The following TTN variants were observed in gnomAD, a reference collection of about 807,000 sequenced individuals.
TTN encodes titin.
TTN carries 1,525 observed loss-of-function variants against 3,223.0 expected under a neutral mutation model. The observed-to-expected ratio is 0.47, with a 90% CI of 0.45 to 0.49. The LOEUF (loss-of-function observed/expected upper bound fraction) is 0.49, where lower values mean the gene tolerates loss of function less well. TTN is among the 20% of genes least tolerant of loss of function. The probability of loss-of-function intolerance (pLI) is 0.00; values close to 1 mark genes in which losing one functional copy is unlikely to be tolerated. For missense variants in TTN, 40,786 were observed against 43,424.0 expected, an observed-to-expected ratio of 0.94 and a Z score of 5.40; for synonymous variants, 14,094 against 15,161.0, an observed-to-expected ratio of 0.93 and a Z score of 5.17.
chr2:178,779,266 G>A lies in TTN; in HGVS notation c.3926C>T (p.Thr1309Ile). The change falls in exon 23 of 363, where the codon ACT (threonine) becomes ATT (isoleucine). Residue 1309 changes from threonine (T) to isoleucine (I), a missense_variant. Thr to Ile is a moderately conservative substitution (Grantham distance 89, BLOSUM62 -1). Coordinates refer to ENST00000589042, the MANE Select transcript of TTN (RefSeq NM_001267550.2). The stretch of plus-strand genomic sequence containing the variant: ...ATATCCAGACATCTTGCAATGAAAA[G>A]TGACACCCATCCCCTCAAGAATTCT... ...NYRILEGMGVTFHCKMSGYPL... is the reference protein window; with the variant it reads ...NYRILEGMGVIFHCKMSGYPL... The A allele has an allele frequency of 1.2e-6, 2 of 1,613,820 alleles. No homozygotes were observed. Among genetic ancestry groups the A allele is most frequent in the Non-Finnish European group, 1.7e-6 (2 of 1,179,838 alleles).
In TTN at chr2:178,678,409, T is replaced by C. The variant is rs2068584056; in HGVS notation, c.33910+5A>G. On this transcript the variant is annotated splice_donor_5th_base_variant and intron_variant, in intron 144 of 362. Coordinates refer to ENST00000589042, the MANE Select transcript of TTN (RefSeq NM_001267550.2). ...CCAAGTACTCTAAGTGATGAAATTA[T>C]GTACCTTTTGCAGGTGGAGCCTCCA... is the stretch of plus-strand genomic sequence containing the variant. 6.3e-7 allele frequency: 1 copy of C among 1,581,048 alleles called. No individual in the cohort carries two copies. Among genetic ancestry groups the C allele is most frequent in the African/African-American group, 1.3e-5 (1 of 74,172 alleles).
chr2:178,724,179 G>T (rs1050989013), intron 72 of TTN, 36 bp from the exon 73 acceptor site: 1 of 1,587,230 alleles, frequency 6.3e-7, no homozygotes, highest in African/African-American at 1.4e-5. Context: ...ATCATGATTT[G>T]AAAGAATAGA....
intron 48 of TTN, among the ~76,000 whole-genome samples, 193 bp from the exon 49 acceptor site, chr2:178,738,553 TA>T (rs1553935217): frequency 2.0e-5 from 3 of 151,888 alleles, no homozygotes; most frequent in African/African-American, 7.3e-5. Context: ...AAGCTTTTTT[TA>T]AAAAAAACCT....
At chr2:178,581,159 G>C (rs1446948388) in intron 316 of TTN, among the ~76,000 whole-genome samples, 1 of 152,012 alleles carries the variant, frequency 6.6e-6, no homozygotes, top group Admixed American at 6.6e-5. Context: ...TTGGAAAACA[G>C]AAACCCTAAG....
In TTN at chr2:178,589,813, A is replaced by G. The variant is rs777982609; in HGVS notation, c.61912T>C (p.Tyr20638His). 6.2e-7 allele frequency: 1 copy of G among 1,613,546 alleles called. No individual in the cohort carries two copies. The highest frequency in any genetic ancestry group is 2.2e-5 in the East Asian group (1 of 44,804). The change falls in exon 304 of 363, where the codon TAC (tyrosine) becomes CAC (histidine). Residue 20638 changes from tyrosine to histidine, a missense_variant. Transcript: ENST00000589042. ...TTCTCTGCACAAACTCGGAAATAGT[A>G]TTCATTGTTGGCTAAAAGGTTGGCC... ...IKANLLANNEYYFRVCAENKV... is the reference protein window; with the variant it reads ...IKANLLANNEHYFRVCAENKV...
In TTN at chr2:178,575,261, A is replaced by G; in HGVS notation, c.70871T>C (p.Val23624Ala). The G allele has an allele frequency of 6.2e-7, 1 of 1,613,320 alleles. No individual in the cohort carries two copies. The highest frequency in any genetic ancestry group is 8.5e-7 in the Non-Finnish European group (1 of 1,179,588). Residue 23624 changes from valine (V) to alanine (A), a missense_variant, in exon 326 of 363, where the codon GTC (valine) becomes GCC (alanine). By Grantham distance (64) the Val-to-Ala change is moderately conservative. Transcript: ENST00000589042. This position sits in a 1 kb window ranked among gnomAD's most constrained non-coding sequence, Gnocchi z 4.0. ...CTCTGGAAGCATTGTCTGCTCCTTGACAATGACGGGTCTGCTTTCTCTAGG... is the reference window on the plus strand; with the variant it reads ...CTCTGGAAGCATTGTCTGCTCCTTGGCAATGACGGGTCTGCTTTCTCTAGG... ...SAPRESRPVI[V>A]KEQTMLPELD...
At chr2:178,615,910 C>T (rs903918677) in intron 257 of TTN, 122 bp from the exon 258 acceptor site, 24 of 1,113,604 alleles carry the variant, frequency 2.2e-5, no homozygotes, top group Non-Finnish European at 2.5e-5. Flanking sequence ...ATTATTCTTA[C>T]ATTAATTTCA....
chr2:178,741,415 A>G lies in TTN; in HGVS notation c.11818T>C (p.Phe3940Leu). ...EKLGGPCPPH[F>L]LKELKPIRCA... is the part of the protein sequence containing the mutation. ...CGAATTGGTTTTAACTCCTTAAGGAAGTGAGGAGGACAAGGACCTCCCAGC... is the reference window on the plus strand; with the variant it reads ...CGAATTGGTTTTAACTCCTTAAGGAGGTGAGGAGGACAAGGACCTCCCAGC... The change falls in exon 48 of 363, where the codon TTC becomes CTC. Residue 3940 changes from phenylalanine (F) to leucine (L), a missense_variant. Physicochemically the swap from Phe to Leu is conservative, Grantham distance 22 (BLOSUM62 0). Transcript: ENST00000589042. 1 of 1,613,912 alleles carries G rather than the reference A, an allele frequency of 6.2e-7. No individual in the cohort carries two copies. The highest frequency in any genetic ancestry group is 2.2e-5 in the East Asian group (1 of 44,872).
rs1288820688 is a variant in TTN, at chr2:178,555,027, C to T, written c.88432G>A (p.Asp29478Asn). 1 of 1,613,552 alleles carries T rather than the reference C, an allele frequency of 6.2e-7. No homozygotes were observed. The highest frequency in any genetic ancestry group is 1.7e-5 in the Admixed American group (1 of 59,980). Reference sequence around the variant, plus strand: ...AGTGCATTGGTTTGTAATTCTTTATCATCTTTATACCACTCAATAGTAGGC... The same window carrying T: ...AGTGCATTGGTTTGTAATTCTTTATTATCTTTATACCACTCAATAGTAGGC... Reference protein sequence around the residue: ...PAPTIEWYKDDKELQTNALVC... With the variant: ...PAPTIEWYKDNKELQTNALVC... The change falls in exon 331 of 363, where the codon GAT (aspartate) becomes AAT (asparagine). Residue 29478 changes from aspartate (D) to asparagine (N), a missense_variant. Asp to Asn is a conservative substitution (Grantham distance 23). Coordinates refer to ENST00000589042, the MANE Select transcript of TTN (RefSeq NM_001267550.2).
At chr2:178,745,706 C>T (rs780839195) in intron 47 of TTN, 1 of 1,611,604 alleles carries the variant, frequency 6.2e-7, no homozygotes, top group African/African-American at 1.3e-5. Flanking sequence ...GAACCCTGTG[C>T]CACTTTCCTC....
chr2:178,684,584 A>C (rs2070324284), intron 131 of TTN, 82 bp downstream of exon 131: 3 of 1,458,104 alleles, frequency 2.1e-6, no homozygotes, highest in Middle Eastern at 1.8e-4. Context: ...ACATATAAAC[A>C]GTATGACCCA....
chr2:178,626,423 T>C (rs182475365), intron 240 of TTN, among the ~76,000 whole-genome samples: 2 of 152,086 alleles, frequency 1.3e-5, no homozygotes, highest in African/African-American at 2.4e-5. Flanking sequence ...TTCTATGATA[T>C]AAAATTCCTA....
Position 178,546,754 on chromosome 2 carries a change from C to G in TTN, c.94674G>C (p.Lys31558Asn). Reference sequence around the variant, plus strand: ...TGTCAGATACAATGGTGTAGTTGCACTTCAGCCAGCGACCATCTCCTACCT... The same window carrying G: ...TGTCAGATACAATGGTGTAGTTGCAGTTCAGCCAGCGACCATCTCCTACCT... ...VSEVGDGRWL[K>N]CNYTIVSDNF... The change falls in exon 341 of 363, where the codon AAG becomes AAC. Residue 31558 changes from lysine (K) to asparagine (N), a missense_variant. Lys to Asn is a moderately conservative substitution (Grantham distance 94). Coordinates refer to ENST00000589042, the MANE Select transcript of TTN (RefSeq NM_001267550.2). 6.2e-7 allele frequency: 1 copy of G among 1,613,738 alleles called. No individual in the cohort carries two copies.
At chr2:178,542,164 C>T (rs1694897742) in intron 349 of TTN, 100 bp downstream of exon 349, 1 of 1,222,398 alleles carries the variant, frequency 8.2e-7, no homozygotes. Flanking sequence ...AATTTTGTGA[C>T]CTATTTTTAT....
rs140909116 is a variant in TTN, at chr2:178,748,464, T to C, written c.11311+4660A>G. The C allele has an allele frequency of 6.8e-3, 10,912 of 1,613,048 alleles. 79 individuals are homozygous for C. Among genetic ancestry groups the C allele is most frequent in the Middle Eastern group, 0.017 (102 of 6,058 alleles). On this transcript the variant is annotated intron_variant, in intron 47 of 362. Transcript: ENST00000589042. ...GTTTCAGGGCTAGGAATTTTTTCTT[T>C]ATAATGTATTTCCTGCTGTTCCCTA...
chr2:178,733,085 C>A lies in TTN; in HGVS notation c.16091G>T (p.Arg5364Leu). ...DIAPFFTKPL[R>L]NVDSVVNGTC... Reference sequence around the variant, plus strand: ...ACCATTAACAACACTATCCACGTTGCGCAAGGGTTTGGTAAAAAATGGAGC... The same window carrying A: ...ACCATTAACAACACTATCCACGTTGAGCAAGGGTTTGGTAAAAAATGGAGC... Residue 5364 changes from arginine (R) to leucine (L), a missense_variant, in exon 55 of 363, where the codon CGC (arginine) becomes CTC (leucine). By Grantham distance (102) the Arg-to-Leu change is moderately radical. Transcript: ENST00000589042. 1.2e-6 allele frequency: 2 copies of A among 1,603,194 alleles called. No homozygotes were observed. The highest frequency in any genetic ancestry group is 1.7e-6 in the Non-Finnish European group (2 of 1,173,436).
At chr2:178,741,986 A>C in intron 47 of TTN, 65 bp from the exon 48 acceptor site, 2 of 1,213,872 alleles carry the variant, frequency 1.6e-6, no homozygotes, top group Non-Finnish European at 2.1e-6. Flanking sequence ...ATAGAAATCA[A>C]AGAATTAGAC....
intron 112 of TTN, 86 bp downstream of exon 112, chr2:178,698,757 C>G: frequency 7.8e-7 from 1 of 1,284,622 alleles, no homozygotes; most frequent in African/African-American, 1.5e-5. Flanking sequence ...CAAACTCTTA[C>G]CCTTCCTTCA....
Position 178,577,793 on chromosome 2 carries a change from A to G in TTN, c.68633T>C (p.Val22878Ala). 1 of 1,612,266 alleles carries G rather than the reference A, an allele frequency of 6.2e-7. No homozygotes were observed. The highest frequency in any genetic ancestry group is 8.5e-7 in the Non-Finnish European group (1 of 1,179,208). Reference protein sequence around the residue: ...DGGHKLTGYIVEKRDLPSKSW... With the variant: ...DGGHKLTGYIAEKRDLPSKSW... ...CTTCGAAGGTAGATCTCGCTTCTCCACTATATATCCAGTTAACTTATGACC... is the reference window on the plus strand; with the variant it reads ...CTTCGAAGGTAGATCTCGCTTCTCCGCTATATATCCAGTTAACTTATGACC... The change falls in exon 323 of 363, where the codon GTG becomes GCG. Residue 22878 changes from valine (V) to alanine (A), a missense_variant. By Grantham distance (64) the Val-to-Ala change is moderately conservative. Transcript: ENST00000589042.
Sources: allele counts gnomAD v4.1 joint callset (sites outside exome capture counted in the v4.1 genomes callset), GRCh38; gene constraint gnomAD v4.1.1; non-coding constraint Gnocchi (gnomAD v3.1); transcripts MANE v1.5; gene names NCBI Gene and HGNC (gene_info 2026-07-23, HGNC 2026-07-21).